The following ARSB variants were observed in gnomAD, a reference collection of about 807,000 sequenced individuals.
The protein encoded by ARSB is arylsulfatase B, also known as N-acetylgalactosamine-4-sulfatase.
Under a neutral mutation model 50.9 loss-of-function variants are expected in ARSB, and 41 were observed. That is an observed-to-expected ratio of 0.81 (90% confidence interval 0.63 to 1.04). ARSB has a LOEUF of 1.04. ARSB is among the 50% of genes least tolerant of loss of function. The probability of loss-of-function intolerance (pLI) is 0.00; values close to 1 mark genes in which losing one functional copy is unlikely to be tolerated. For synonymous variants in ARSB, 269 were observed against 284.8 expected, an observed-to-expected ratio of 0.94 and a Z score of 0.56; for missense variants, 672 against 693.3, an observed-to-expected ratio of 0.97 and a Z score of 0.35.
chr5:78,799,760 G>GT (rs1743310758), intron 6 of ARSB, among the ~76,000 whole-genome samples: 1 of 152,216 alleles, frequency 6.6e-6, no homozygotes, highest in Non-Finnish European at 1.5e-5. Context: ...AAAGGTGTAG[G>GT]TGAGCAGAAC....
At chr5:78,902,334 G>A (rs759274288) in intron 4 of ARSB, among the ~76,000 whole-genome samples, 1 of 152,108 alleles carries the variant, frequency 6.6e-6, no homozygotes, top group Non-Finnish European at 1.5e-5. Context: ...CATGGCAAAG[G>A]GTTTAGCAGT....
At chr5:78,959,677 C>G (rs1427383075) in intron 3 of ARSB, among the ~76,000 whole-genome samples, 2 of 152,096 alleles carry the variant, frequency 1.3e-5, no homozygotes, top group Non-Finnish European at 2.9e-5. Flanking sequence ...ATATTTCCAT[C>G]CCATACTACA....
chr5:78,879,780 G>A (rs1042382467), intron 5 of ARSB, among the ~76,000 whole-genome samples: 3 of 152,162 alleles, frequency 2.0e-5, no homozygotes, highest in Admixed American at 6.5e-5. Flanking sequence ...TTCTGCCACC[G>A]ATTCCGAACT....
chr5:78,905,651 C>T (rs904856989), intron 4 of ARSB, among the ~76,000 whole-genome samples: 2 of 152,042 alleles, frequency 1.3e-5, no homozygotes, highest in Non-Finnish European at 2.9e-5. Context: ...TTTTCGAAGC[C>T]TCTGCTTTGC....
At chr5:78,869,813 C>T (rs1263133807) in intron 5 of ARSB, among the ~76,000 whole-genome samples, 1 of 145,224 alleles carries the variant, frequency 6.9e-6, no homozygotes, top group Non-Finnish European at 1.5e-5. Context: ...TAACTAAAAT[C>T]AGAGCAGAAC....
In ARSB at chr5:78,985,253, G is replaced by C; in HGVS notation, c.-5C>G. The C allele has an allele frequency of 7.7e-7, 1 of 1,305,852 alleles. No homozygotes were observed. Among genetic ancestry groups the C allele is most frequent in the Non-Finnish European group, 9.7e-7 (1 of 1,032,648 alleles). 80.9% of individuals were successfully genotyped at this position (1,305,852 alleles called of 1,614,324 possible). A position where few individuals can be genotyped will look rare whatever the true frequency, so the allele number is the denominator to read the frequency against. ...CGCCGCGCCGCGCGGACCCATCCTTGTCCGCCCGCGGTCCCAGCGCCTGTG... is the reference window on the plus strand; with the variant it reads ...CGCCGCGCCGCGCGGACCCATCCTTCTCCGCCCGCGGTCCCAGCGCCTGTG... On this transcript the variant is annotated 5_prime_UTR_variant, in exon 1 of 8. Transcript: ENST00000264914.
chr5:78,798,387 A>G (rs1264219355), intron 6 of ARSB, among the ~76,000 whole-genome samples: 1 of 116,124 alleles, frequency 8.6e-6, no homozygotes, highest in South Asian at 2.6e-4. Context: ...CATTGTGTGT[A>G]AAAAAAAAAA....
chr5:78,852,782 C>G (rs1171989024), intron 5 of ARSB, among the ~76,000 whole-genome samples: 1 of 152,074 alleles, frequency 6.6e-6, no homozygotes. Flanking sequence ...CTCTAAACTT[C>G]CCTTCTCGCT....
chr5:78,783,017 C>T (rs946372527), intron 6 of ARSB, among the ~76,000 whole-genome samples: 1 of 152,188 alleles, frequency 6.6e-6, no homozygotes, highest in African/African-American at 2.4e-5. Flanking sequence ...AAGAGTTCTA[C>T]TCTTGTGGAA....
At chr5:78,813,692 G>T (rs974994794) in intron 6 of ARSB, among the ~76,000 whole-genome samples, 1 of 152,120 alleles carries the variant, frequency 6.6e-6, no homozygotes, top group African/African-American at 2.4e-5. Context: ...GGGAGCTCAA[G>T]GCTGCAGTGA....
chr5:78,932,001 T>C (rs563312000), intron 4 of ARSB, among the ~76,000 whole-genome samples: 4 of 152,308 alleles, frequency 2.6e-5, no homozygotes, highest in South Asian at 4.1e-4. Context: ...TCCCCAGCCA[T>C]GTGGAACTGG....
intron 6 of ARSB, among the ~76,000 whole-genome samples, chr5:78,796,243 TG>T (rs1743173121): frequency 6.6e-6 from 1 of 152,288 alleles, no homozygotes; most frequent in African/African-American, 2.4e-5. Flanking sequence ...ATACCTATGT[TG>T]TTGATCACTA....
At chr5:78,918,910 A>G (rs1236989439) in intron 4 of ARSB, among the ~76,000 whole-genome samples, 3 of 152,224 alleles carry the variant, frequency 2.0e-5, no homozygotes, top group Non-Finnish European at 4.4e-5. Flanking sequence ...GATGAAAGTT[A>G]CCGTGATTAA....
chr5:78,816,172 G>A (rs559879877), intron 6 of ARSB: 3 of 1,613,856 alleles, frequency 1.9e-6, no homozygotes, highest in East Asian at 4.5e-5. Context: ...GGGTACGGTT[G>A]TATCAGGACT....
At chr5:78,888,570 T>C (rs772658207) in intron 4 of ARSB, among the ~76,000 whole-genome samples, 6 of 152,182 alleles carry the variant, frequency 3.9e-5, no homozygotes, top group Non-Finnish European at 7.3e-5. Flanking sequence ...TTCTCTGAGG[T>C]ATTATGTAGT....
chr5:78,868,494 T>A, intron 5 of ARSB, among the ~76,000 whole-genome samples: 1 of 119,558 alleles, frequency 8.4e-6, no homozygotes, highest in Non-Finnish European at 1.8e-5. Flanking sequence ...CAGAGGAGAG[T>A]GGGGGCCAAT....
intron 4 of ARSB, among the ~76,000 whole-genome samples, chr5:78,953,736 G>C (rs1751583182): frequency 6.6e-6 from 1 of 151,778 alleles, no homozygotes; most frequent in African/African-American, 2.4e-5. Flanking sequence ...AGGGATTTGA[G>C]AAAACCAAAC....
intron 6 of ARSB, among the ~76,000 whole-genome samples, chr5:78,821,431 C>G (rs2112675803): frequency 6.6e-6 from 1 of 152,312 alleles, no homozygotes; most frequent in South Asian, 2.1e-4. Flanking sequence ...AGCCACTGCA[C>G]TGGGCCAATT....
intron 4 of ARSB, among the ~76,000 whole-genome samples, chr5:78,914,548 G>A (rs1296433324): frequency 6.6e-6 from 1 of 152,140 alleles, no homozygotes; most frequent in Non-Finnish European, 1.5e-5. Flanking sequence ...AGCCCTTAAT[G>A]TGACCACCAA....
Sources: gnomAD v4.1 joint callset for allele counts (sites outside exome capture counted in the v4.1 genomes callset) on GRCh38, gnomAD v4.1.1 for gene constraint, MANE v1.5 for transcripts, NCBI Gene and HGNC (gene_info 2026-07-23, HGNC 2026-07-21) for gene names.